TRAP1: variants seen among roughly 807,000 people sequenced by gnomAD.
TRAP1 encodes the protein heat shock protein 75 kDa, mitochondrial.
TRAP1 carries 102 observed loss-of-function variants against 89.1 expected under a neutral mutation model. That is an observed-to-expected ratio of 1.15 (90% CI 0.98 to 1.35). The LOEUF (loss-of-function observed/expected upper bound fraction) is 1.35. Among genes scored for constraint, TRAP1 ranks in the 40% most tolerant of loss-of-function variants. The pLI is 0.00. For missense variants in TRAP1, 1,256 were observed against 945.3 expected, an observed-to-expected ratio of 1.33 and a Z score of -4.31; for synonymous variants, 508 against 388.0, an observed-to-expected ratio of 1.31 and a Z score of -3.64.
chr16:3,698,020 C>G (rs2051313451), intron 1 of TRAP1, among the ~76,000 whole-genome samples: 1 of 151,740 alleles, frequency 6.6e-6, no homozygotes, highest in South Asian at 2.1e-4. Flanking sequence ...ACCATGTTGG[C>G]CAGGATGGTC....
intron 1 of TRAP1, 101 bp downstream of exon 1, chr16:3,717,320 G>C (rs913123233): frequency 2.4e-6 from 1 of 420,346 alleles, no homozygotes; most frequent in Non-Finnish European, 3.9e-6. Flanking sequence ...TCCCACGCCT[G>C]TGAAGCAGGT....
intron 3 of TRAP1, among the ~76,000 whole-genome samples, chr16:3,688,003 T>G (rs1426208837): frequency 6.6e-6 from 1 of 152,036 alleles, no homozygotes; most frequent in African/African-American, 2.4e-5. Context: ...CACTCATCAG[T>G]ACGAAACCCG....
intron 3 of TRAP1, 105 bp from the exon 4 acceptor site, chr16:3,686,241 A>T: frequency 3.0e-6 from 4 of 1,314,070 alleles, no homozygotes; most frequent in Non-Finnish European, 3.2e-6. Context: ...AGAGGAGAAT[A>T]GTCAATTCTC....
chr16:3,682,690 G>A (rs2051088546), intron 4 of TRAP1, among the ~76,000 whole-genome samples: 1 of 151,992 alleles, frequency 6.6e-6, no homozygotes, highest in African/African-American at 2.4e-5. Flanking sequence ...ACCATGCCTG[G>A]CAAAAAAAAT....
At chr16:3,690,709 C>T (rs574864767) in intron 2 of TRAP1, 118 bp downstream of exon 2, 1 of 1,124,546 alleles carries the variant, frequency 8.9e-7, no homozygotes. Flanking sequence ...CCAAGACCTT[C>T]TGATTTCACA....
In TRAP1 at chr16:3,662,002, A is replaced by G; in HGVS notation, c.1925T>C (p.Leu642Pro). ...EERAQLLQPT[L>P]EINPRHALIK... ...GTGGCCTCACCTGGGGTTGATCTCC[A>G]GCGTGGGCTGCAGGAGCTGTGCGCG... The change falls in exon 16 of 18, where the codon CTG becomes CCG. Residue 642 changes from leucine (L) to proline (P), a missense_variant. Leu to Pro is a moderately conservative substitution (Grantham distance 98). Transcript: ENST00000246957. 1 of 1,609,082 alleles carries G rather than the reference A, an allele frequency of 6.2e-7. No homozygotes were observed. Among genetic ancestry groups the G allele is most frequent in the East Asian group, 2.2e-5 (1 of 44,702 alleles).
chr16:3,700,912 G>C (rs1046975670), intron 1 of TRAP1, among the ~76,000 whole-genome samples: 1 of 152,020 alleles, frequency 6.6e-6, no homozygotes, highest in Admixed American at 6.6e-5. Context: ...AATCCAAAAG[G>C]ACAAATAAAA....
intron 13 of TRAP1, chr16:3,663,862 A>G: frequency 2.5e-6 from 1 of 403,932 alleles, no homozygotes; most frequent in Non-Finnish European, 4.5e-6. Context: ...TCATGAGGTC[A>G]GGAGTTCGAG....
At chr16:3,709,660 G>A (rs1157066747) in intron 1 of TRAP1, among the ~76,000 whole-genome samples, 2 of 151,864 alleles carry the variant, frequency 1.3e-5, no homozygotes, top group African/African-American at 4.8e-5. Context: ...TTTTTTGTGT[G>A]TGTGTGTGAG....
chr16:3,662,130 C>G lies in TRAP1; in HGVS notation c.1797G>C (p.Val599=), dbSNP rs1245485705. Residue 599 remains valine (V), a splice_region_variant and synonymous_variant, in exon 16 of 18, where the codon GTG becomes GTC. Transcript: ENST00000246957. The part of the protein sequence containing the change: ...VLGSRVTNVK[V]TLRLDTHPAM... ...CAGGGTGGGTGTCCAGTCGGAGGGTCACCTGTGAGCAAAGCCCGGGGTTGA... is the reference window on the plus strand; with the variant it reads ...CAGGGTGGGTGTCCAGTCGGAGGGTGACCTGTGAGCAAAGCCCGGGGTTGA... The G allele has an allele frequency of 1.1e-5, 17 of 1,610,660 alleles. No homozygotes were observed. The highest frequency in any genetic ancestry group is 1.4e-5 in the Non-Finnish European group (16 of 1,178,480).
chr16:3,672,558 G>T (rs544327573), intron 10 of TRAP1, 142 bp downstream of exon 10: 175 of 1,337,598 alleles, frequency 1.3e-4, no homozygotes, highest in Non-Finnish European at 1.4e-4. Context: ...CTGTAAACGC[G>T]ACTGACACAC....
At chr16:3,662,715 C>A (rs1424384907) in intron 15 of TRAP1, 167 bp downstream of exon 15, 1 of 716,496 alleles carries the variant, frequency 1.4e-6, no homozygotes, top group African/African-American at 1.7e-5. Flanking sequence ...AGCGGCACTC[C>A]CGAGCAACAC....
chr16:3,697,931 G>C (rs1384286043), intron 1 of TRAP1, among the ~76,000 whole-genome samples: 1 of 151,404 alleles, frequency 6.6e-6, no homozygotes, highest in Non-Finnish European at 1.5e-5. Context: ...TGGGATTGCA[G>C]GTGTGCACCA....
Position 3,672,729 on chromosome 16 carries a change from A to G in TRAP1, c.1136T>C (p.Ile379Thr). The G allele has an allele frequency of 6.2e-7, 1 of 1,610,522 alleles. No individual in the cohort carries two copies. ...GATGAAGCGCAGCCACTTGGGCAGG[A>G]TGTCCGTGGCCTTGGTCTGGATGAG... ...KVLIQTKATD[I>T]LPKWLRFIRG... The change falls in exon 10 of 18, where the codon ATC (isoleucine) becomes ACC (threonine). Residue 379 changes from isoleucine to threonine, a missense_variant. Transcript: ENST00000246957.
rs1374382323 is a variant in TRAP1, at chr16:3,659,011, A to AGAT, written c.1941-149_1941-147dup. ...ATAAGGTATGTTAATGATCATTTAT[A>AGAT]GATAATATCATTATATACCCAGAAA... On this transcript the variant is annotated intron_variant, in intron 16 of 17. Coordinates refer to ENST00000246957, the MANE Select transcript of TRAP1 (RefSeq NM_016292.3). 29 of 766,902 alleles carry AGAT rather than the reference A, an allele frequency of 3.8e-5. No homozygotes were observed. The African/African-American group carries it at 4.7e-4, about 13-fold the overall frequency. The allele number at this position is 766,902 out of a possible 1,614,324, so 47.5% of individuals were successfully genotyped here.
intron 5 of TRAP1, among the ~76,000 whole-genome samples, 164 bp downstream of exon 5, chr16:3,679,555 T>C (rs2051046635): frequency 6.6e-6 from 1 of 152,154 alleles, no homozygotes; most frequent in Admixed American, 6.5e-5. Context: ...AACCCCCAGA[T>C]ACTGAGGGAT....
At chr16:3,696,724 AT>A (rs370719958) in intron 1 of TRAP1, among the ~76,000 whole-genome samples, 50 of 145,706 alleles carry the variant, frequency 3.4e-4, no homozygotes, top group African/African-American at 1.0e-3. Flanking sequence ...CTCCTAGCTA[AT>A]TTTTTTTTTC....
rs182432980 is a variant in TRAP1, at chr16:3,666,659, A to G, written c.1236-541T>C. ...AAAAATCCCAATGTGGGTAAATTAC[A>G]GTACGTCTATAGATACAGGCAAAGA... is the stretch of plus-strand genomic sequence containing the variant. On this transcript the variant is annotated intron_variant, in intron 11 of 17. Coordinates refer to ENST00000246957, the MANE Select transcript of TRAP1 (RefSeq NM_016292.3). Among the ~76,000 whole-genome samples the G allele has an allele frequency of 4.3e-4, 66 of 152,340 alleles. 1 individual carries two copies. In the East Asian group the frequency reaches 0.012, roughly 27 times the overall value.
chr16:3,715,355 C>T (rs996230604), intron 1 of TRAP1, among the ~76,000 whole-genome samples: 1 of 151,902 alleles, frequency 6.6e-6, no homozygotes, highest in East Asian at 1.9e-4. Flanking sequence ...GGAGAATGGC[C>T]TGAACCCGGG....
Sources: allele counts gnomAD v4.1 joint callset (sites outside exome capture counted in the v4.1 genomes callset), GRCh38; gene constraint gnomAD v4.1.1; transcripts MANE v1.5; gene names NCBI Gene and HGNC (gene_info 2026-07-23, HGNC 2026-07-21).